Variants in GABRG3 observed in about 807,000 individuals in gnomAD.
GABRG3 encodes the protein gamma-aminobutyric acid receptor subunit gamma-3.
Under a neutral mutation model 48.8 loss-of-function variants are expected in GABRG3, and 25 were observed. That is an observed-to-expected ratio of 0.51 (90% CI 0.37 to 0.72). The LOEUF is 0.72. GABRG3 is among the 30% of genes least tolerant of loss of function. The probability of loss-of-function intolerance (pLI) is 0.00; values close to 1 mark genes in which losing one functional copy is unlikely to be tolerated. For synonymous variants in GABRG3, 227 were observed against 217.6 expected, an observed-to-expected ratio of 1.04 and a Z score of -0.38; for missense variants, 394 against 577.9, an observed-to-expected ratio of 0.68 and a Z score of 3.26.
chr15:27,096,900 G>A (rs1897273900), intron 3 of GABRG3, among the ~76,000 whole-genome samples: 1 of 148,016 alleles, frequency 6.8e-6, no homozygotes, highest in African/African-American at 2.5e-5. Context: ...GAGTGCAGTG[G>A]CCCAATCTCG....
intron 3 of GABRG3, among the ~76,000 whole-genome samples, chr15:27,126,950 G>A (rs1029937): frequency 0.26 from 39,458 of 152,128 alleles, 6,546 homozygotes; most frequent in Non-Finnish European, 0.37. Context: ...AACTTGGAAG[G>A]CAGGTCAGGC....
intron 3 of GABRG3, among the ~76,000 whole-genome samples, chr15:27,184,918 CTTAT>C (rs1241038213): frequency 6.6e-6 from 1 of 151,836 alleles, no homozygotes; most frequent in Non-Finnish European, 1.5e-5. Context: ...CAATTTGCGT[CTTAT>C]TTTTTTTTCC....
At chr15:27,210,792 C>T (rs1954478505) in intron 3 of GABRG3, among the ~76,000 whole-genome samples, 1 of 152,212 alleles carries the variant, frequency 6.6e-6, no homozygotes, top group African/African-American at 2.4e-5. Flanking sequence ...ACAGCCTCCA[C>T]TGGGAGGAGC....
intron 3 of GABRG3, among the ~76,000 whole-genome samples, chr15:27,261,640 C>T (rs1890772263): frequency 6.6e-6 from 1 of 151,558 alleles, no homozygotes; most frequent in African/African-American, 2.4e-5. Flanking sequence ...ATTTGATATT[C>T]ATCAAACTGA....
chr15:27,070,968 C>T (rs975303144), intron 3 of GABRG3, among the ~76,000 whole-genome samples: 1 of 152,210 alleles, frequency 6.6e-6, no homozygotes. Flanking sequence ...CTAAGGACCT[C>T]CTGAAGCGCT....
At chr15:26,973,402 T>G (rs1033083586) in intron 1 of GABRG3, among the ~76,000 whole-genome samples, 1 of 151,428 alleles carries the variant, frequency 6.6e-6, no homozygotes. Context: ...AAATCCAAAT[T>G]TTATACTAAC....
At chr15:27,411,923 T>G (rs1436044261) in intron 5 of GABRG3, among the ~76,000 whole-genome samples, 1 of 152,172 alleles carries the variant, frequency 6.6e-6, no homozygotes, top group African/African-American at 2.4e-5. Flanking sequence ...AAGATTTTAC[T>G]TTACCTTAAT....
intron 3 of GABRG3, among the ~76,000 whole-genome samples, chr15:27,043,616 C>T (rs1481708478): frequency 2.6e-5 from 4 of 152,218 alleles, no homozygotes; most frequent in Admixed American, 6.5e-5. Flanking sequence ...CCCTCCTCTG[C>T]TCAGCTCGCT....
intron 6 of GABRG3, 78 bp downstream of exon 6, chr15:27,480,865 A>G (rs776191140): frequency 8.4e-6 from 13 of 1,538,888 alleles, no homozygotes; most frequent in Non-Finnish European, 1.1e-5. Context: ...TCCTTAATGT[A>G]CAAGCCTTTT....
intron 3 of GABRG3, among the ~76,000 whole-genome samples, chr15:27,138,986 CAG>C (rs569409701): frequency 6.4e-4 from 97 of 152,214 alleles, no homozygotes; most frequent in African/African-American, 2.1e-3. Flanking sequence ...GAAGACCCAA[CAG>C]GGGATGGGTG....
chr15:27,085,443 G>T (rs1276445407), intron 3 of GABRG3, among the ~76,000 whole-genome samples: 1 of 152,112 alleles, frequency 6.6e-6, no homozygotes, highest in Non-Finnish European at 1.5e-5. Flanking sequence ...ATACTTTTAG[G>T]AATATTTCTC....
At chr15:26,992,407 T>A (rs1284437793) in intron 2 of GABRG3, among the ~76,000 whole-genome samples, 1 of 151,974 alleles carries the variant, frequency 6.6e-6, no homozygotes, top group East Asian at 1.9e-4. Flanking sequence ...ATGTTCCTTC[T>A]ACACCCAGTT....
At chr15:26,998,232 C>T (rs532246500) in intron 2 of GABRG3, among the ~76,000 whole-genome samples, 9 of 152,280 alleles carry the variant, frequency 5.9e-5, no homozygotes, top group Admixed American at 4.6e-4. Context: ...AATCTAAGAG[C>T]GGCTTCTTGA....
At chr15:27,503,291 G>T (rs989822409) in intron 6 of GABRG3, among the ~76,000 whole-genome samples, 1 of 152,100 alleles carries the variant, frequency 6.6e-6, no homozygotes, top group Non-Finnish European at 1.5e-5. Flanking sequence ...GTAATGCTTT[G>T]GGGAAAAGCG....
intron 3 of GABRG3, among the ~76,000 whole-genome samples, chr15:27,125,945 T>A (rs1376712949): frequency 6.6e-6 from 1 of 152,260 alleles, no homozygotes; most frequent in East Asian, 1.9e-4. Flanking sequence ...TATGATCTAT[T>A]AGGAGCTTCC....
intron 5 of GABRG3, among the ~76,000 whole-genome samples, chr15:27,355,270 G>A (rs563477551): frequency 6.6e-6 from 1 of 152,306 alleles, no homozygotes; most frequent in South Asian, 2.1e-4. Flanking sequence ...ATGTGAGTGT[G>A]CAACTCAACA....
intron 5 of GABRG3, among the ~76,000 whole-genome samples, chr15:27,417,831 G>T (rs1228278452): frequency 3.3e-5 from 5 of 152,194 alleles, no homozygotes; most frequent in Admixed American, 6.5e-5. Context: ...TGGTGGCTTG[G>T]TGCACACTTC....
intron 5 of GABRG3, among the ~76,000 whole-genome samples, chr15:27,398,352 C>A (rs911566583): frequency 1.5e-4 from 23 of 152,008 alleles, no homozygotes; most frequent in Non-Finnish European, 3.2e-4. Flanking sequence ...ATACTGAAAA[C>A]CATGCTTATT....
At chr15:26,971,838 G>T (rs893716698) in intron 1 of GABRG3, among the ~76,000 whole-genome samples, 7 of 152,172 alleles carry the variant, frequency 4.6e-5, no homozygotes, top group Non-Finnish European at 1.0e-4. Context: ...ACGCTTTTAG[G>T]ATCTGGTGGT....
Sources: gnomAD v4.1 joint callset for allele counts (sites outside exome capture counted in the v4.1 genomes callset) on GRCh38, gnomAD v4.1.1 for gene constraint, MANE v1.5 for transcripts, NCBI Gene and HGNC (gene_info 2026-07-23, HGNC 2026-07-21) for gene names.